The following WDPCP variants were observed in gnomAD, a reference collection of about 807,000 sequenced individuals.
The protein encoded by WDPCP is WD repeat containing planar cell polarity effector.
Under a neutral mutation model 93.1 loss-of-function variants are expected in WDPCP, and 71 were observed. That is an observed-to-expected ratio of 0.76 (90% CI 0.63 to 0.93). The LOEUF (loss-of-function observed/expected upper bound fraction) is 0.93, where lower values mean the gene tolerates loss of function less well. Among genes scored for constraint, WDPCP ranks in the 40% least tolerant of loss-of-function variants. The pLI is 0.00. For missense variants in WDPCP, 844 were observed against 887.4 expected (o/e 0.95, Z 0.62); for synonymous variants, 315 against 315.0 (o/e 1.00, Z 0.00).
chr2:63,148,256 G>A (rs1441453438), intron 17 of WDPCP, among the ~76,000 whole-genome samples: 1 of 152,104 alleles, frequency 6.6e-6, no homozygotes, highest in Non-Finnish European at 1.5e-5. Context: ...GAGCTTGGGA[G>A]GTTAAGGCTG....
At chr2:63,291,885 G>A (rs1395307454) in intron 13 of WDPCP, among the ~76,000 whole-genome samples, 1 of 151,710 alleles carries the variant, frequency 6.6e-6, no homozygotes. Context: ...TGTAATCCCA[G>A]CATGTTGGGA....
upstream of WDPCP, chr2:63,590,835 C>A (rs1709184949): frequency 6.6e-6 from 1 of 152,136 alleles, no homozygotes; most frequent in Admixed American, 6.5e-5. Flanking sequence ...TTTCCCTGCC[C>A]CCTCAGGAGG....
chr2:63,184,730 A>G (rs1400757247), intron 14 of WDPCP, among the ~76,000 whole-genome samples: 2 of 152,120 alleles, frequency 1.3e-5, no homozygotes, highest in Non-Finnish European at 2.9e-5. Flanking sequence ...CCTAGTATTC[A>G]TTTGGCCTCT....
chr2:63,756,545 G>A (rs1039608988), intron 2 of WDPCP, among the ~76,000 whole-genome samples: 17 of 152,084 alleles, frequency 1.1e-4, no homozygotes, highest in Admixed American at 6.5e-5. Context: ...CAGCTGTGTG[G>A]GAGTAGAATG....
intron 9 of WDPCP, among the ~76,000 whole-genome samples, chr2:63,411,590 G>C (rs1310752447): frequency 6.6e-6 from 1 of 152,136 alleles, no homozygotes; most frequent in Non-Finnish European, 1.5e-5. Context: ...GCAACAAAAA[G>C]CTGGTGCTTT....
At chr2:63,300,360 G>A (rs1195985818) in intron 13 of WDPCP, among the ~76,000 whole-genome samples, 1 of 152,182 alleles carries the variant, frequency 6.6e-6, no homozygotes, top group African/African-American at 2.4e-5. Flanking sequence ...ATGGTGAGTA[G>A]AGGGGAGCGA....
intron 1 of WDPCP, among the ~76,000 whole-genome samples, chr2:63,495,202 AAG>A (rs1408292710): frequency 6.6e-6 from 1 of 152,166 alleles, no homozygotes; most frequent in East Asian, 1.9e-4. Flanking sequence ...ATGCATTACT[AAG>A]AGAAAGAATG....
chr2:63,709,350 T>A (rs1669225169), intron 2 of WDPCP, among the ~76,000 whole-genome samples: 1 of 152,020 alleles, frequency 6.6e-6, no homozygotes, highest in Non-Finnish European at 1.5e-5. Flanking sequence ...GCTTTTTCCC[T>A]CCTCCATTCT....
intron 14 of WDPCP, among the ~76,000 whole-genome samples, chr2:63,231,505 C>CA (rs1678882624): frequency 6.6e-6 from 1 of 152,160 alleles, no homozygotes; most frequent in African/African-American, 2.4e-5. Context: ...AATCAATGTG[C>CA]AAAAATCACA....
chr2:63,534,749 A>C (rs186127836), intron 1 of WDPCP, among the ~76,000 whole-genome samples: 4 of 152,218 alleles, frequency 2.6e-5, no homozygotes, highest in Non-Finnish European at 5.9e-5. Context: ...CCCACAGCCA[A>C]TATCATACTG....
In WDPCP at chr2:63,634,588, G is replaced by A. The variant is rs547486048; in HGVS notation, n.488+16071C>T. On this transcript the variant is annotated intron_variant and non_coding_transcript_variant, in intron 3 of 4. Transcript: ENST00000467687. ...ATATACATTCATCTCAAGCACACAT[G>A]GAACATTCTCCAGGGTAGATCATAT... Among the ~76,000 whole-genome samples the A allele has an allele frequency of 3.3e-5, 5 of 152,196 alleles. 1 individual carries two copies. The highest frequency in any genetic ancestry group is 1.2e-4 in the African/African-American group (5 of 41,528).
intron 2 of WDPCP, among the ~76,000 whole-genome samples, chr2:63,664,250 G>A (rs943988050): frequency 6.6e-6 from 1 of 152,220 alleles, no homozygotes; most frequent in Admixed American, 6.5e-5. Context: ...GTTAGTTTAA[G>A]TAGGAAAATA....
At chr2:63,147,858 A>C (rs1023690818) in intron 17 of WDPCP, among the ~76,000 whole-genome samples, 1 of 151,704 alleles carries the variant, frequency 6.6e-6, no homozygotes, top group African/African-American at 2.4e-5. Flanking sequence ...TATCTCAGCT[A>C]CTTGGGAGGC....
chr2:63,809,195 C>T (rs7426051), intron 2 of WDPCP, among the ~76,000 whole-genome samples: 32,529 of 151,320 alleles, frequency 0.21, 4,599 homozygotes, highest in East Asian at 0.73. Context: ...GCAGCCGCCC[C>T]GCCCGGGAGG....
chr2:63,147,893 C>T (rs1419161712), intron 17 of WDPCP, among the ~76,000 whole-genome samples: 5 of 148,394 alleles, frequency 3.4e-5, no homozygotes, highest in South Asian at 4.3e-4. Flanking sequence ...TGCTTGAACC[C>T]GGAGGCAGAG....
intron 2 of WDPCP, among the ~76,000 whole-genome samples, chr2:63,763,159 A>C (rs932019231): frequency 3.3e-5 from 5 of 152,142 alleles, no homozygotes; most frequent in Non-Finnish European, 5.9e-5. Flanking sequence ...TATTGTTCTC[A>C]GTATTCCTAG....
At chr2:63,241,819 C>A (rs993072396) in intron 14 of WDPCP, among the ~76,000 whole-genome samples, 1 of 152,100 alleles carries the variant, frequency 6.6e-6, no homozygotes, top group Non-Finnish European at 1.5e-5. Flanking sequence ...TGGTCTCAAA[C>A]TTCTGGGCTC....
At chr2:63,552,776 A>G (rs1002857191) in intron 1 of WDPCP, among the ~76,000 whole-genome samples, 4 of 152,256 alleles carry the variant, frequency 2.6e-5, no homozygotes, top group African/African-American at 9.6e-5. Flanking sequence ...ACCAGCAGTG[A>G]TTAGAAACAG....
chr2:63,622,587 T>C, intron 3 of WDPCP: 1 of 1,613,926 alleles, frequency 6.2e-7, no homozygotes, highest in Non-Finnish European at 8.5e-7. Flanking sequence ...AATAGAGTCC[T>C]CCAGGATGTA....
Sources: allele counts gnomAD v4.1 joint callset (sites outside exome capture counted in the v4.1 genomes callset), GRCh38; gene constraint gnomAD v4.1.1; transcripts MANE v1.5; gene names NCBI Gene and HGNC (gene_info 2026-07-23, HGNC 2026-07-21).